Variants in RPH3A observed in about 807,000 individuals in gnomAD.
The protein encoded by RPH3A is rabphilin-3A.
A neutral mutation model predicts 102.2 loss-of-function variants in RPH3A; 48 were observed. That is an observed-to-expected ratio of 0.47 (90% CI 0.37 to 0.60). The LOEUF is 0.60. RPH3A is among the 20% of genes least tolerant of loss of function. The pLI is 0.00. For synonymous variants in RPH3A, 310 were observed against 324.3 expected, an observed-to-expected ratio of 0.96 and a Z score of 0.47; for missense variants, 781 against 910.1, an observed-to-expected ratio of 0.86 and a Z score of 1.83.
Position 112,598,166 on chromosome 12 carries a change from T to C in RPH3A, c.-140+22847T>C, listed in dbSNP as rs377418037. Among the ~76,000 whole-genome samples the C allele has an allele frequency of 2.6e-5, 4 of 152,346 alleles. No individual in the cohort carries two copies. The East Asian group carries it at 7.7e-4, about 29-fold the overall frequency. Reference sequence around the variant, plus strand: ...AGGCTGGGTTGAACATACTGCCATGTCATGCATGGTGTGCAAAGTTGTGTG... The same window carrying C: ...AGGCTGGGTTGAACATACTGCCATGCCATGCATGGTGTGCAAAGTTGTGTG... On this transcript the variant is annotated intron_variant, in intron 1 of 21. Transcript: ENST00000543106.
At chr12:112,798,508 G>A (rs532985575) in intron 2 of RPH3A, among the ~76,000 whole-genome samples, 1 of 152,156 alleles carries the variant, frequency 6.6e-6, no homozygotes, top group Non-Finnish European at 1.5e-5. Flanking sequence ...AGCAGGTTTT[G>A]GTGCCAGCCA....
At chr12:112,635,642 CCTAA>C (rs1219957402) in intron 1 of RPH3A, among the ~76,000 whole-genome samples, 3 of 152,148 alleles carry the variant, frequency 2.0e-5, no homozygotes, top group African/African-American at 4.8e-5. Context: ...TGTTATTGCT[CCTAA>C]CTATCTCCTA....
At chr12:112,752,734 G>C (rs190215237) in intron 1 of RPH3A, among the ~76,000 whole-genome samples, 3 of 151,554 alleles carry the variant, frequency 2.0e-5, no homozygotes, top group Non-Finnish European at 4.4e-5. Context: ...AAATACACAG[G>C]TCACCAAGTG....
At chr12:112,645,613 C>T (rs1480177812) in intron 1 of RPH3A, among the ~76,000 whole-genome samples, 2 of 152,158 alleles carry the variant, frequency 1.3e-5, no homozygotes, top group African/African-American at 4.8e-5. Context: ...GTGAGCTCTC[C>T]TCTGCAAATT....
At chr12:112,579,044 C>T (rs1030795274) in intron 1 of RPH3A, among the ~76,000 whole-genome samples, 4 of 152,130 alleles carry the variant, frequency 2.6e-5, no homozygotes, top group Admixed American at 2.0e-4. Context: ...AGCTATCGTG[C>T]CTGGGAAACT....
chr12:112,856,091 C>T (rs2042405906), intron 5 of RPH3A, among the ~76,000 whole-genome samples: 2 of 152,184 alleles, frequency 1.3e-5, no homozygotes, highest in Non-Finnish European at 2.9e-5. Context: ...CAGCTTTTGG[C>T]CATTTCCTCT....
chr12:112,881,958 C>T, intron 15 of RPH3A, 112 bp downstream of exon 15: 1 of 715,498 alleles, frequency 1.4e-6, no homozygotes. Context: ...TCCCCAACCC[C>T]ACCTCATCCT....
intron 5 of RPH3A, among the ~76,000 whole-genome samples, chr12:112,852,639 A>G (rs1178784859): frequency 1.3e-5 from 2 of 152,290 alleles, no homozygotes; most frequent in East Asian, 3.9e-4. Context: ...CCTGCCCCTC[A>G]TCCTATCAGC....
chr12:112,727,458 GACAC>G (rs60493848), intron 1 of RPH3A, among the ~76,000 whole-genome samples: 7 of 30,602 alleles, frequency 2.3e-4, no homozygotes, highest in African/African-American at 1.3e-3. Context: ...CACAGACACA[GACAC>G]ACACACACAC....
chr12:112,644,466 G>T (rs1474934310), intron 1 of RPH3A, among the ~76,000 whole-genome samples: 1 of 152,078 alleles, frequency 6.6e-6, no homozygotes, highest in African/African-American at 2.4e-5. Context: ...GCTCCTGATG[G>T]CATGAATGCC....
intron 1 of RPH3A, among the ~76,000 whole-genome samples, chr12:112,677,387 CTCCCTCCCTCCCTCCCTCCCTCCT>C (rs2040185329): frequency 4.7e-5 from 3 of 63,956 alleles, no homozygotes; most frequent in Admixed American, 3.5e-4. Context: ...TCCTCCCTCC[CTCCCTCCCTCCCTCCCTCCCTCCT>C]TCCCTCCTTC....
chr12:112,787,318 G>T (rs1327025667), upstream of RPH3A, among the ~76,000 whole-genome samples: 1 of 152,100 alleles, frequency 6.6e-6, no homozygotes, highest in African/African-American at 2.4e-5. Context: ...AAGTGAAATG[G>T]GCTATCTCAG....
intron 3 of RPH3A, among the ~76,000 whole-genome samples, chr12:112,829,067 C>T (rs1164997623): frequency 6.6e-6 from 1 of 152,192 alleles, no homozygotes; most frequent in Non-Finnish European, 1.5e-5. Context: ...TTCTGTTACC[C>T]ACCCATCCCA....
chr12:112,742,821 A>G (rs2040719061), intron 1 of RPH3A, among the ~76,000 whole-genome samples: 1 of 152,200 alleles, frequency 6.6e-6, no homozygotes, highest in African/African-American at 2.4e-5. Flanking sequence ...ATGCATTATC[A>G]TCTTATGACT....
chr12:112,643,776 A>G (rs1393570048), intron 1 of RPH3A, among the ~76,000 whole-genome samples: 2 of 152,242 alleles, frequency 1.3e-5, no homozygotes, highest in Non-Finnish European at 2.9e-5. Context: ...TGTTTTGCAA[A>G]AATAGAACTA....
chr12:112,785,244 A>AT (rs397713276), intron 1 of RPH3A, among the ~76,000 whole-genome samples: 2 of 150,062 alleles, frequency 1.3e-5, no homozygotes, highest in African/African-American at 4.9e-5. Context: ...AAAAAAAAAA[A>AT]GATACAGCTG....
At chr12:112,607,015 T>C (rs2039601618) in intron 1 of RPH3A, among the ~76,000 whole-genome samples, 1 of 152,172 alleles carries the variant, frequency 6.6e-6, no homozygotes, top group African/African-American at 2.4e-5. Flanking sequence ...ACCTACTTCA[T>C]AGGACCTTTA....
At chr12:112,780,808 G>A (rs2136078052) in intron 1 of RPH3A, among the ~76,000 whole-genome samples, 1 of 152,270 alleles carries the variant, frequency 6.6e-6, no homozygotes, top group Admixed American at 6.5e-5. Context: ...GCGATTTTGT[G>A]TTTTGATACC....
intron 1 of RPH3A, among the ~76,000 whole-genome samples, chr12:112,779,945 T>C (rs1592994962): frequency 1.3e-5 from 2 of 152,174 alleles, no homozygotes; most frequent in East Asian, 3.9e-4. Flanking sequence ...AGGCAGTGAT[T>C]GGAGTGAAGC....
Sources: gnomAD v4.1 joint callset for allele counts (sites outside exome capture counted in the v4.1 genomes callset) on GRCh38, gnomAD v4.1.1 for gene constraint, MANE v1.5 for transcripts, NCBI Gene and HGNC (gene_info 2026-07-23, HGNC 2026-07-21) for gene names.